Variants in SRRT observed in about 807,000 individuals in gnomAD.
SRRT encodes the protein serrate, RNA effector molecule.
Under a neutral mutation model 103.2 loss-of-function variants are expected in SRRT, and 32 were observed. The observed-to-expected ratio is 0.31, with a 90% confidence interval of 0.23 to 0.42. The LOEUF (loss-of-function observed/expected upper bound fraction) is 0.42, where lower values mean the gene tolerates loss of function less well. Ranked by LOEUF, SRRT falls within the 10% of genes least tolerant of loss-of-function variation. The pLI, the probability that SRRT is intolerant of heterozygous loss-of-function variation, is 1.00. For synonymous variants in SRRT, 525 were observed against 449.0 expected (o/e 1.17, Z -2.14); for missense variants, 986 against 1,207.5 (o/e 0.82, Z 2.72).
Position 100,886,845 on chromosome 7 carries a change from C to A in SRRT, c.1698C>A (p.Ile566=), listed in dbSNP as rs539120544. ...TGAAGAATATCACCGACTACCTGATCGAGGAAGTAAGCGCCGAGGAGGAGG... is the reference window on the plus strand; with the variant it reads ...TGAAGAATATCACCGACTACCTGATAGAGGAAGTAAGCGCCGAGGAGGAGG... ...PILKNITDYL[I]EEVSAEEEEL... is the part of the protein sequence containing the mutation. The change falls in exon 14 of 20, where the codon ATC becomes ATA. Residue 566 remains isoleucine (I), a synonymous_variant. Coordinates refer to ENST00000611405, the MANE Select transcript of SRRT (RefSeq NM_015908.6). 1.2e-5 allele frequency: 20 copies of A among 1,614,036 alleles called. No homozygotes were observed. Among genetic ancestry groups the A allele is most frequent in the East Asian group, 8.9e-5 (4 of 44,884 alleles).
At chr7:100,878,937 CTTTT>C (rs1368747801) in intron 2 of SRRT, among the ~76,000 whole-genome samples, 2 of 150,776 alleles carry the variant, frequency 1.3e-5, no homozygotes, top group East Asian at 3.9e-4. Context: ...TCCTTTCTTT[CTTTT>C]TCTTTCTTTT....
intron 13 of SRRT, 86 bp from the exon 14 acceptor site, chr7:100,886,709 C>G: frequency 6.8e-7 from 1 of 1,468,668 alleles, no homozygotes. Context: ...CTCCTGTCCC[C>G]TCGCTGCTCT....
chr7:100,885,440 C>A lies in SRRT; in HGVS notation c.1317+70C>A. On this transcript the variant is annotated intron_variant, in intron 10 of 19. Coordinates refer to ENST00000611405, the MANE Select transcript of SRRT (RefSeq NM_015908.6). The surrounding 1 kb of genome is among the most constrained non-coding windows in gnomAD (Gnocchi z 4.8). ...GGAGGGTAGAGGGAAGGCAGTGGGG[C>A]CCTGCCTGTGACAGATGCCCCCGTT... is the stretch of plus-strand genomic sequence containing the variant. 1 of 1,514,262 alleles carries A rather than the reference C, an allele frequency of 6.6e-7. No individual in the cohort carries two copies. Among genetic ancestry groups the A allele is most frequent in the Non-Finnish European group, 8.9e-7 (1 of 1,118,624 alleles). 93.8% of individuals were successfully genotyped at this position (1,514,262 alleles called of 1,614,324 possible).
At chr7:100,886,754 A>C in intron 13 of SRRT, 41 bp from the exon 14 acceptor site, 1 of 1,609,110 alleles carries the variant, frequency 6.2e-7, no homozygotes, top group South Asian at 1.1e-5. Flanking sequence ...ACCTCCTCTG[A>C]AGGTCTTCTC....
In SRRT at chr7:100,885,338, G is replaced by A. The variant is rs1164234590; in HGVS notation, c.1285G>A (p.Ala429Thr). 5.6e-6 allele frequency: 9 copies of A among 1,613,842 alleles called. No individual in the cohort carries two copies. The highest frequency in any genetic ancestry group is 7.6e-6 in the Non-Finnish European group (9 of 1,179,904). Reference protein sequence around the residue: ...KTCSLFMRNIAPNISRAEIIS... With the variant: ...KTCSLFMRNITPNISRAEIIS... ...CTGCTCCCTCTTCATGCGCAACATC[G>A]CGCCCAACATCTCCCGGGCCGAGAT... is the stretch of plus-strand genomic sequence containing the variant. Residue 429 changes from alanine (A) to threonine (T), a missense_variant, in exon 10 of 20, where the codon GCG becomes ACG. By Grantham distance (58) the Ala-to-Thr change is moderately conservative. This residue lies in a region of SRRT where 349 missense variants were observed against 446.9 expected (regional missense o/e 0.78). Transcript: ENST00000611405. This position sits in a 1 kb window ranked among gnomAD's most constrained non-coding sequence, Gnocchi z 4.8.
rs148055712 is a variant in SRRT, at chr7:100,885,527, G to A, written c.1317+157G>A. On this transcript the variant is annotated intron_variant, in intron 10 of 19. Coordinates refer to ENST00000611405, the MANE Select transcript of SRRT (RefSeq NM_015908.6). The surrounding 1 kb of genome is among the most constrained non-coding windows in gnomAD (Gnocchi z 4.8). Reference sequence around the variant, plus strand: ...GCCTCCGAGGACTAGTCCTGATAGCGCCATTGGCTTTCAGGTGCTGGTGTT... The same window carrying A: ...GCCTCCGAGGACTAGTCCTGATAGCACCATTGGCTTTCAGGTGCTGGTGTT... 5.6e-3 allele frequency: 5,995 copies of A among 1,069,376 alleles called. 25 individuals carry two copies. Among genetic ancestry groups the A allele is most frequent in the Non-Finnish European group, 7.2e-3 (5,303 of 739,008 alleles). The allele number at this position is 1,069,376 out of a possible 1,614,324, so 66.2% of individuals were successfully genotyped here.
chr7:100,877,133 A>G (rs1017490602), intron 2 of SRRT, among the ~76,000 whole-genome samples: 1 of 152,008 alleles, frequency 6.6e-6, no homozygotes, highest in Non-Finnish European at 1.5e-5. Context: ...AGTTAAAAAA[A>G]AAAAGCCAGC....
In SRRT at chr7:100,875,620, A is replaced by G. The variant is rs73714208; in HGVS notation, c.30A>G (p.Arg10=). The change falls in exon 2 of 20, where the codon CGA becomes CGG. Residue 10 remains arginine (R), a synonymous_variant. Transcript: ENST00000611405. ...GTGACAGTGATGACGAGTACGATCG[A>G]AGGCGCAGGGACAAGTTCAGAAGAG... MGDSDDEYD[R]RRRDKFRRER... is the part of the protein sequence containing the mutation. 1.2e-6 allele frequency: 2 copies of G among 1,614,084 alleles called. No individual in the cohort carries two copies. Among genetic ancestry groups the G allele is most frequent in the Middle Eastern group, 1.7e-4 (1 of 6,060 alleles).
chr7:100,876,932 G>T (rs561142795), intron 2 of SRRT, among the ~76,000 whole-genome samples: 6 of 152,140 alleles, frequency 3.9e-5, no homozygotes, highest in Non-Finnish European at 7.4e-5. Context: ...CATAACGTGT[G>T]ATTTTAGCAT....
At chr7:100,886,692 CG>C in intron 13 of SRRT, 102 bp from the exon 14 acceptor site, 1 of 1,338,348 alleles carries the variant, frequency 7.5e-7, no homozygotes, top group Non-Finnish European at 1.1e-6. Context: ...CATTTATGTC[CG>C]GTGAACTCCT....
chr7:100,879,678 C>T (rs988179757), intron 2 of SRRT, among the ~76,000 whole-genome samples: 2 of 151,838 alleles, frequency 1.3e-5, no homozygotes, highest in African/African-American at 4.8e-5. Context: ...TCTTTGGTGT[C>T]CTCAGTCATT....
rs371322147 is a variant in SRRT, at chr7:100,880,479, G to C, written c.123-806G>C. 6.3e-4 allele frequency among the ~76,000 whole-genome samples: 95 copies of C among 151,850 alleles called. 1 individual carries two copies. The South Asian group carries it at 0.019, about 30-fold the overall frequency. On this transcript the variant is annotated intron_variant, in intron 2 of 19. Coordinates refer to ENST00000611405, the MANE Select transcript of SRRT (RefSeq NM_015908.6). ...CACCACGCCTGGCTAATTTTTTTTTGTATTTTTAGTAGAGACTGGGTTTCA... is the reference window on the plus strand; with the variant it reads ...CACCACGCCTGGCTAATTTTTTTTTCTATTTTTAGTAGAGACTGGGTTTCA...
In SRRT at chr7:100,875,433, C is replaced by G. The variant is rs760307333; in HGVS notation, c.-19+105C>G. 16 of 1,470,718 alleles carry G rather than the reference C, an allele frequency of 1.1e-5. No individual in the cohort carries two copies. In the African/African-American group the frequency reaches 2.2e-4, roughly 21 times the overall value. The allele number at this position is 1,470,718 out of a possible 1,614,324, so 91.1% of individuals were successfully genotyped here. Reference sequence around the variant, plus strand: ...TCGGGGCGAGTGGAGGTGTTGGAGCCGCGTTCTCAGGCCTAGGATGGTGGG... The same window carrying G: ...TCGGGGCGAGTGGAGGTGTTGGAGCGGCGTTCTCAGGCCTAGGATGGTGGG... On this transcript the variant is annotated intron_variant, in intron 1 of 19. Transcript: ENST00000611405.
Position 100,886,816 on chromosome 7 carries a change from A to G in SRRT, c.1669A>G (p.Ile557Val). 1 of 1,614,012 alleles carries G rather than the reference A, an allele frequency of 6.2e-7. No homozygotes were observed. Reference protein sequence around the residue: ...LPTSLPSQNPILKNITDYLIE... With the variant: ...LPTSLPSQNPVLKNITDYLIE... ...TCAGAGCCTGCCCTCGCAAAACCCG[A>G]TCTTGAAGAATATCACCGACTACCT... is the stretch of plus-strand genomic sequence containing the variant. Residue 557 changes from isoleucine to valine, a missense_variant, in exon 14 of 20, where the codon ATC (isoleucine) becomes GTC (valine). Around this residue, in one of 6 missense-constraint regions of SRRT, gnomAD observed 349 missense variants for 446.9 expected, o/e 0.78. Transcript: ENST00000611405.
intron 19 of SRRT, 42 bp from the exon 20 acceptor site, chr7:100,888,432 T>C (rs1178517856): frequency 6.2e-7 from 1 of 1,612,934 alleles, no homozygotes; most frequent in African/African-American, 1.3e-5. Context: ...AGACTCCCTT[T>C]TGGGAGCCCT....
At chr7:100,886,191 G>A (rs1790081864) in intron 12 of SRRT, 56 bp from the exon 13 acceptor site, 2 of 1,571,660 alleles carry the variant, frequency 1.3e-6, no homozygotes, top group South Asian at 1.2e-5. Context: ...TAGAGCTGCT[G>A]TTTCTCTGGC....
chr7:100,885,365 A>G lies in SRRT; in HGVS notation c.1312A>G (p.Ile438Val), dbSNP rs753989283. 8 of 1,613,242 alleles carry G rather than the reference A, an allele frequency of 5.0e-6. No homozygotes were observed. The Admixed American group carries it at 6.7e-5, about 13-fold the overall frequency. ...GCCCAACATCTCCCGGGCCGAGATC[A>G]TCTCCGTGAGTGGGGACCCGTGGAG... ...IAPNISRAEI[I>V]SLCKRYPGFM... The change falls in exon 10 of 20, where the codon ATC becomes GTC. Residue 438 changes from isoleucine to valine, a missense_variant. Transcript: ENST00000611405. This position sits in a 1 kb window ranked among gnomAD's most constrained non-coding sequence, Gnocchi z 4.8.
At chr7:100,880,632 T>G in intron 2 of SRRT, 1 of 365,608 alleles carries the variant, frequency 2.7e-6, no homozygotes, top group African/African-American at 2.1e-5. Context: ...ACAGGCTGAA[T>G]TTGAGGGGGT....
rs545866564 is a variant in SRRT, at chr7:100,875,807, C to T, written c.122+95C>T. On this transcript the variant is annotated intron_variant, in intron 2 of 19. Coordinates refer to ENST00000611405, the MANE Select transcript of SRRT (RefSeq NM_015908.6). ...CTCCCCCTTGTAATTTTTATGAGGG[C>T]GAATCCTATGAAATGGCTCATTGGA... is the stretch of plus-strand genomic sequence containing the variant. The T allele has an allele frequency of 1.0e-5, 15 of 1,499,880 alleles. No homozygotes were observed. In the Admixed American group the frequency reaches 1.4e-4, roughly 14 times the overall value. The allele number at this position is 1,499,880 out of a possible 1,614,324, so 92.9% of individuals were successfully genotyped here. A position where few individuals can be genotyped will look rare whatever the true frequency, so the allele number is the denominator to read the frequency against.
Sources: allele counts gnomAD v4.1 joint callset (sites outside exome capture counted in the v4.1 genomes callset), GRCh38; gene constraint gnomAD v4.1.1; regional missense constraint gnomAD v4.1.1; non-coding constraint Gnocchi (gnomAD v3.1); transcripts MANE v1.5; gene names NCBI Gene and HGNC (gene_info 2026-07-23, HGNC 2026-07-21).